PLCB1: variants seen among roughly 807,000 people sequenced by gnomAD.
The protein encoded by PLCB1 is 1-phosphatidylinositol 4,5-bisphosphate phosphodiesterase beta-1.
Under a neutral mutation model 161.8 loss-of-function variants are expected in PLCB1, and 46 were observed. The ratio of observed to expected loss-of-function variants is 0.28; its 90% confidence interval spans 0.22 to 0.36. PLCB1 has a LOEUF of 0.36. Among genes scored for constraint, PLCB1 ranks in the 10% least tolerant of loss-of-function variants. The pLI, the probability that PLCB1 is intolerant of heterozygous loss-of-function variation, is 1.00. For synonymous variants in PLCB1, 517 were observed against 503.7 expected (o/e 1.03, Z -0.35); for missense variants, 1,016 against 1,472.5 (o/e 0.69, Z 5.07).
At chr20:8,385,473 G>A (rs886624664) in intron 3 of PLCB1, among the ~76,000 whole-genome samples, 2 of 152,222 alleles carry the variant, frequency 1.3e-5, no homozygotes, top group African/African-American at 4.8e-5. Context: ...AAGTCCCAGT[G>A]CTGGCTGCTG....
At chr20:8,752,353 C>T (rs1229379476) in intron 23 of PLCB1, 1 of 152,114 alleles carries the variant, frequency 6.6e-6, no homozygotes, top group African/African-American at 2.4e-5. Context: ...ATAACACCTC[C>T]GATTATTTTG....
At chr20:8,689,571 A>C (rs1990428105) in intron 10 of PLCB1, among the ~76,000 whole-genome samples, 1 of 152,168 alleles carries the variant, frequency 6.6e-6, no homozygotes, top group Admixed American at 6.5e-5. Context: ...GATACCTAAC[A>C]GATTATACAT....
At chr20:8,432,786 A>C (rs951539715) in intron 3 of PLCB1, among the ~76,000 whole-genome samples, 2 of 152,244 alleles carry the variant, frequency 1.3e-5, no homozygotes, top group Non-Finnish European at 2.9e-5. Context: ...CCAAACAAGG[A>C]GGAGAGAGAT....
At chr20:8,490,392 T>C (rs554681992) in intron 3 of PLCB1, among the ~76,000 whole-genome samples, 38 of 152,328 alleles carry the variant, frequency 2.5e-4, no homozygotes, top group African/African-American at 8.9e-4. Flanking sequence ...TTTGGGCTTG[T>C]TACTGCAACA....
chr20:8,537,286 GC>G (rs1427699990), intron 3 of PLCB1, among the ~76,000 whole-genome samples: 3 of 152,150 alleles, frequency 2.0e-5, no homozygotes, highest in African/African-American at 7.2e-5. Flanking sequence ...GTTTTTACAT[GC>G]TGTCCTACTT....
chr20:8,323,867 A>T (rs1378580235), intron 2 of PLCB1, among the ~76,000 whole-genome samples: 1 of 152,166 alleles, frequency 6.6e-6, no homozygotes, highest in Non-Finnish European at 1.5e-5. Flanking sequence ...TGCCAAAAAA[A>T]AAAAAAATCT....
chr20:8,548,931 A>C (rs1985671504), intron 3 of PLCB1, among the ~76,000 whole-genome samples: 1 of 152,194 alleles, frequency 6.6e-6, no homozygotes, highest in East Asian at 1.9e-4. Context: ...TTTCCCAGCA[A>C]ATGATTTTCA....
chr20:8,833,767 T>C (rs1568617848), intron 31 of PLCB1, among the ~76,000 whole-genome samples: 1 of 152,234 alleles, frequency 6.6e-6, no homozygotes, highest in African/African-American at 2.4e-5. Flanking sequence ...GGTAAGTCAA[T>C]ATAGCCGCTG....
At position 8,326,968 on chromosome 20, in the gene PLCB1, C is replaced by T. The variant is rs191547774; in HGVS notation, c.178-44414C>T. Among the ~76,000 whole-genome samples the T allele has an allele frequency of 1.4e-3, 215 of 152,298 alleles. 1 individual carries two copies. The highest frequency in any genetic ancestry group is 5.0e-3 in the African/African-American group (206 of 41,550). On this transcript the variant is annotated intron_variant, in intron 2 of 31. Coordinates refer to ENST00000338037, the MANE Select transcript of PLCB1 (RefSeq NM_015192.4). The stretch of plus-strand genomic sequence containing the variant: ...TGGCACAATCATGATTCACTGTAGC[C>T]CCAACTTCCTGGGCTCAAGCAATTA...
intron 2 of PLCB1, among the ~76,000 whole-genome samples, chr20:8,227,118 A>G (rs1979739073): frequency 6.6e-6 from 1 of 152,086 alleles, no homozygotes; most frequent in Admixed American, 6.6e-5. Context: ...TTGGGAAGGA[A>G]TGGGTACAGA....
chr20:8,440,864 C>T (rs1980528729), intron 3 of PLCB1, among the ~76,000 whole-genome samples: 1 of 151,522 alleles, frequency 6.6e-6, no homozygotes, highest in Non-Finnish European at 1.5e-5. Context: ...ATGATAATTA[C>T]CGTGATCTGA....
intron 3 of PLCB1, among the ~76,000 whole-genome samples, chr20:8,443,018 TGCCCAG>T (rs1288315651): frequency 6.6e-6 from 1 of 151,694 alleles, no homozygotes; most frequent in East Asian, 1.9e-4. Flanking sequence ...CTCGTCCTGT[TGCCCAG>T]GCTGGAGTGC....
intron 2 of PLCB1, among the ~76,000 whole-genome samples, chr20:8,204,307 GATTGGAGTGAAGGCAC>G (rs1978407242): frequency 6.6e-6 from 1 of 152,142 alleles, no homozygotes; most frequent in Non-Finnish European, 1.5e-5. Context: ...CACAGGAAAA[GATTGGAGTGAAGGCAC>G]ATAATGTTAG....
At chr20:8,303,525 T>G (rs1316866807) in intron 2 of PLCB1, among the ~76,000 whole-genome samples, 1 of 152,226 alleles carries the variant, frequency 6.6e-6, no homozygotes, top group Admixed American at 6.5e-5. Flanking sequence ...TATCCTTTTT[T>G]GTACATAGAG....
chr20:8,132,666 A>T lies in PLCB1; in HGVS notation c.15A>T (p.Gln5His), dbSNP rs781650706. The T allele has an allele frequency of 1.9e-6, 3 of 1,611,850 alleles. No individual in the cohort carries two copies. Among genetic ancestry groups the T allele is most frequent in the Non-Finnish European group, 2.5e-6 (3 of 1,178,880 alleles). ...GATGAGCCCAGATGGCCGGGGCTCAACCCGGAGTGCACGCCTTGCAACTCA... is the reference window on the plus strand; with the variant it reads ...GATGAGCCCAGATGGCCGGGGCTCATCCCGGAGTGCACGCCTTGCAACTCA... MAGA[Q>H]PGVHALQLKP... The change falls in exon 1 of 32, where the codon CAA becomes CAT. Residue 5 changes from glutamine (Q) to histidine (H), a missense_variant. By Grantham distance (24) the Gln-to-His change is conservative. Around this residue, in one of 10 missense-constraint regions of PLCB1, gnomAD observed 181 missense variants for 236.7 expected, o/e 0.76. Coordinates refer to ENST00000338037, the MANE Select transcript of PLCB1 (RefSeq NM_015192.4). This position sits in a 1 kb window ranked among gnomAD's most constrained non-coding sequence, Gnocchi z 5.2.
intron 3 of PLCB1, among the ~76,000 whole-genome samples, chr20:8,571,374 C>T (rs1033358242): frequency 1.3e-5 from 2 of 151,984 alleles, no homozygotes; most frequent in Non-Finnish European, 2.9e-5. Flanking sequence ...CCCAGCTACT[C>T]GGGAAGCTGA....
In PLCB1 at chr20:8,309,538, T is replaced by A. The variant is rs2745767; in HGVS notation, c.178-61844T>A. Among the ~76,000 whole-genome samples the A allele has an allele frequency of 6.7e-3, 1,026 of 152,302 alleles. 14 individuals are homozygous for A. Among genetic ancestry groups the A allele is most frequent in the African/African-American group, 0.022 (924 of 41,564 alleles). ...GGACAACTATATTCAAACTGGCTAA[T>A]AGTTTTGTTAATTGGGACTACAAAT... On this transcript the variant is annotated intron_variant, in intron 2 of 31. Transcript: ENST00000338037.
chr20:8,571,838 G>A (rs1986529386), intron 3 of PLCB1, among the ~76,000 whole-genome samples: 1 of 152,156 alleles, frequency 6.6e-6, no homozygotes, highest in Non-Finnish European at 1.5e-5. Flanking sequence ...CGGGGTGTCT[G>A]TTAGTCATTA....
At chr20:8,580,655 G>A (rs1029113352) in intron 3 of PLCB1, among the ~76,000 whole-genome samples, 2 of 152,240 alleles carry the variant, frequency 1.3e-5, no homozygotes, top group Non-Finnish European at 2.9e-5. Context: ...ACTACTGGGT[G>A]CTAGGCACTA....
Sources: allele counts gnomAD v4.1 joint callset (sites outside exome capture counted in the v4.1 genomes callset), GRCh38; gene constraint gnomAD v4.1.1; regional missense constraint gnomAD v4.1.1; non-coding constraint Gnocchi (gnomAD v3.1); transcripts MANE v1.5; gene names NCBI Gene and HGNC (gene_info 2026-07-23, HGNC 2026-07-21).